TNS3: variants seen among roughly 807,000 people sequenced by gnomAD.
TNS3 encodes the protein tensin 3, also known as tensin-3.
A neutral mutation model predicts 140.9 loss-of-function variants in TNS3; 45 were observed. The ratio of observed to expected loss-of-function variants is 0.32; its 90% CI spans 0.25 to 0.41. The LOEUF (loss-of-function observed/expected upper bound fraction) is 0.41, where lower values mean the gene tolerates loss of function less well. Ranked by LOEUF, TNS3 falls within the 10% of genes least tolerant of loss-of-function variation. TNS3 has a pLI of 1.00. For missense variants in TNS3, 1,716 were observed against 1,906.7 expected, an observed-to-expected ratio of 0.90 and a Z score of 1.86; for synonymous variants, 815 against 788.4, an observed-to-expected ratio of 1.03 and a Z score of -0.56.
chr7:47,506,545 A>G (rs1294952944), intron 3 of TNS3, among the ~76,000 whole-genome samples: 1 of 152,054 alleles, frequency 6.6e-6, no homozygotes, highest in African/African-American at 2.4e-5. Context: ...TCTCCAGGCC[A>G]GGGGAATGCC....
rs542885976 is a variant in TNS3, at chr7:47,510,426, C to G, written c.-152-3482G>C. Among the ~76,000 whole-genome samples the G allele has an allele frequency of 2.0e-5, 3 of 152,258 alleles. No individual in the cohort carries two copies. The East Asian group carries it at 5.8e-4, about 29-fold the overall frequency. ...CTGGCAGCTAAACTAGCCACCTTCTCAGGGGATGTCATTTTTATTTGAAAG... is the reference window on the plus strand; with the variant it reads ...CTGGCAGCTAAACTAGCCACCTTCTGAGGGGATGTCATTTTTATTTGAAAG... On this transcript the variant is annotated intron_variant, in intron 2 of 30. Transcript: ENST00000311160.
intron 1 of TNS3, among the ~76,000 whole-genome samples, chr7:47,578,636 C>T (rs1237097818): frequency 1.3e-5 from 2 of 152,120 alleles, no homozygotes; most frequent in South Asian, 2.1e-4. Context: ...CAGGAGATGC[C>T]GCCATGCAGA....
Position 47,529,120 on chromosome 7 carries a change from C to A in TNS3, c.-237G>T. The A allele has an allele frequency of 2.3e-6, 3 of 1,286,292 alleles. No individual in the cohort carries two copies. The highest frequency in any genetic ancestry group is 3.0e-6 in the Non-Finnish European group (3 of 987,618). 79.7% of individuals were successfully genotyped at this position (1,286,292 alleles called of 1,614,324 possible). The stretch of plus-strand genomic sequence containing the variant: ...TTTTTAAAGGCCTTGTTCTTAAAAG[C>A]GTGCAGACTCGAGGTTAATTCTTCC... On this transcript the variant is annotated 5_prime_UTR_variant, in exon 2 of 31. Coordinates refer to ENST00000311160, the MANE Select transcript of TNS3 (RefSeq NM_022748.12).
At chr7:47,541,095 G>A (rs981744066) in intron 1 of TNS3, among the ~76,000 whole-genome samples, 10 of 152,172 alleles carry the variant, frequency 6.6e-5, no homozygotes, top group African/African-American at 2.4e-4. Context: ...ACAGATAAAT[G>A]TACAGGGGAG....
At chr7:47,507,578 G>A (rs1320414040) in intron 2 of TNS3, among the ~76,000 whole-genome samples, 6 of 152,150 alleles carry the variant, frequency 3.9e-5, no homozygotes, top group Admixed American at 1.3e-4. Context: ...TGAACGGAGC[G>A]AGTCCTGTGT....
chr7:47,460,881 C>T (rs2151688489), intron 4 of TNS3, among the ~76,000 whole-genome samples: 1 of 152,330 alleles, frequency 6.6e-6, no homozygotes, highest in Admixed American at 6.5e-5. Flanking sequence ...TCTTCCTCCA[C>T]CTAGTAACTT....
chr7:47,351,640 C>T (rs1178906661), intron 17 of TNS3, among the ~76,000 whole-genome samples: 1 of 152,158 alleles, frequency 6.6e-6, no homozygotes, highest in Non-Finnish European at 1.5e-5. Context: ...TTCCACCAGG[C>T]GCTGCCTCCC....
At position 47,538,432 on chromosome 7, in the gene TNS3, C is replaced by G. The variant is rs1002434077; in HGVS notation, c.-264-9285G>C. 2.0e-5 allele frequency among the ~76,000 whole-genome samples: 3 copies of G among 152,284 alleles called. No individual in the cohort carries two copies. The East Asian group carries it at 5.8e-4, about 29-fold the overall frequency. The stretch of plus-strand genomic sequence containing the variant: ...CACTGGCCTTCACTCCAGGCCCAGC[C>G]TAGGAGCAGTGTCCCAGAGCTCAGC... On this transcript the variant is annotated intron_variant, in intron 1 of 30. Coordinates refer to ENST00000311160, the MANE Select transcript of TNS3 (RefSeq NM_022748.12).
At chr7:47,557,953 G>A (rs1044765822) in intron 1 of TNS3, among the ~76,000 whole-genome samples, 20 of 152,198 alleles carry the variant, frequency 1.3e-4, no homozygotes, top group Admixed American at 6.5e-5. Flanking sequence ...GAAGGCCTGC[G>A]GTGAGCAGGC....
intron 16 of TNS3, among the ~76,000 whole-genome samples, chr7:47,382,475 G>T (rs1483062089): frequency 6.6e-6 from 1 of 152,196 alleles, no homozygotes; most frequent in African/African-American, 2.4e-5. Flanking sequence ...CAGGCTGTTA[G>T]TATTAACCTT....
chr7:47,526,698 A>C (rs1371575451), intron 2 of TNS3, among the ~76,000 whole-genome samples: 1 of 152,194 alleles, frequency 6.6e-6, no homozygotes, highest in African/African-American at 2.4e-5. Context: ...TCACAGGGTA[A>C]GGAAGCCGAG....
intron 3 of TNS3, among the ~76,000 whole-genome samples, chr7:47,492,001 G>A (rs1797831786): frequency 6.6e-6 from 1 of 152,178 alleles, no homozygotes; most frequent in Non-Finnish European, 1.5e-5. Flanking sequence ...ATGAAGGAAC[G>A]CTTTTTGATT....
intron 1 of TNS3, among the ~76,000 whole-genome samples, chr7:47,578,123 G>A (rs1250743893): frequency 6.6e-6 from 1 of 151,746 alleles, no homozygotes; most frequent in Non-Finnish European, 1.5e-5. Context: ...GACCAGCCTA[G>A]CCAACAAGGT....
chr7:47,563,831 A>T (rs1800366012), intron 1 of TNS3, among the ~76,000 whole-genome samples: 1 of 152,248 alleles, frequency 6.6e-6, no homozygotes, highest in Non-Finnish European at 1.5e-5. Context: ...CCTCTTGGCT[A>T]GGCCATGGTA....
At chr7:47,490,598 C>T (rs1259145654) in intron 3 of TNS3, among the ~76,000 whole-genome samples, 1 of 152,260 alleles carries the variant, frequency 6.6e-6, no homozygotes, top group African/African-American at 2.4e-5. Context: ...CCGCCTTCGC[C>T]TGGAGCATCC....
At chr7:47,501,002 C>T (rs949335630) in intron 3 of TNS3, among the ~76,000 whole-genome samples, 2 of 152,146 alleles carry the variant, frequency 1.3e-5, no homozygotes, top group Admixed American at 1.3e-4. Context: ...GCAGAAGAAT[C>T]CCTTGAACCC....
chr7:47,567,901 T>C (rs1800466309), intron 1 of TNS3, among the ~76,000 whole-genome samples: 1 of 152,102 alleles, frequency 6.6e-6, no homozygotes, highest in African/African-American at 2.4e-5. Context: ...CGATCAGTAA[T>C]AAGGAACAAG....
intron 1 of TNS3, among the ~76,000 whole-genome samples, chr7:47,560,218 G>T (rs1800295177): frequency 6.6e-6 from 1 of 151,992 alleles, no homozygotes; most frequent in Non-Finnish European, 1.5e-5. Flanking sequence ...TGGAGCCTCA[G>T]GATGGGCTTA....
intron 3 of TNS3, among the ~76,000 whole-genome samples, chr7:47,498,821 G>A (rs186303446): frequency 6.6e-5 from 10 of 152,320 alleles, no homozygotes; most frequent in Admixed American, 1.3e-4. Context: ...GTAAAGTGGC[G>A]AACTCAGTGA....
Sources: gnomAD v4.1 joint callset for allele counts (sites outside exome capture counted in the v4.1 genomes callset) on GRCh38, gnomAD v4.1.1 for gene constraint, MANE v1.5 for transcripts, NCBI Gene and HGNC (gene_info 2026-07-23, HGNC 2026-07-21) for gene names.